Variants in ALYREF observed in about 807,000 individuals in gnomAD.
ALYREF encodes the protein THO complex subunit 4.
Under a neutral mutation model 25.2 loss-of-function variants are expected in ALYREF, and 1 was observed. That is an observed-to-expected ratio of 0.04 (90% CI 0.01 to 0.19). The LOEUF (loss-of-function observed/expected upper bound fraction) is 0.19. Ranked by LOEUF, ALYREF falls within the 10% of genes least tolerant of loss-of-function variation. The probability of loss-of-function intolerance (pLI) is 1.00; values close to 1 mark genes in which losing one functional copy is unlikely to be tolerated. For missense variants in ALYREF, 328 were observed against 375.6 expected, an observed-to-expected ratio of 0.87 and a Z score of 1.05; for synonymous variants, 193 against 153.5, an observed-to-expected ratio of 1.26 and a Z score of -1.90.
rs974671546 is a variant in ALYREF at position 81,890,811 on chromosome 17, G to A, written c.268C>T (p.Leu90Phe). 6.2e-7 allele frequency: 1 copy of A among 1,613,944 alleles called. No homozygotes were observed. The highest frequency in any genetic ancestry group is 8.5e-7 in the Non-Finnish European group (1 of 1,179,988). ...AGATCGTGCTGCCACTTGTCGGGAA[G>A]TTGTTTTGGCTGAAAAAAAAACCGC... is the stretch of plus-strand genomic sequence containing the variant. ...RPAPYSRPKQ[L>F]PDKWQHDLFD... Residue 90 changes from leucine (L) to phenylalanine (F), a missense_variant, in exon 2 of 6, where the codon CTT becomes TTT. By Grantham distance (22) the Leu-to-Phe change is conservative. Coordinates refer to ENST00000505490, the MANE Select transcript of ALYREF (RefSeq NM_005782.4).
Position 81,891,345 on chromosome 17 carries a change from T to A in ALYREF, c.236A>T (p.Asn79Ile). Residue 79 changes from asparagine to isoleucine, a missense_variant, in exon 1 of 6, where the codon AAC becomes ATC. Coordinates refer to ENST00000505490, the MANE Select transcript of ALYREF (RefSeq NM_005782.4). ...CACCCTGCTGTAGGGCGCCGGTCGG[T>A]TCCTGCCGCCTCCGCCGGCCGCGCC... is the stretch of plus-strand genomic sequence containing the variant. Reference protein sequence around the residue: ...ARGAAGGGGRNRPAPYSRPKQ... With the variant: ...ARGAAGGGGRIRPAPYSRPKQ... 1 of 1,153,844 alleles carries A rather than the reference T, an allele frequency of 8.7e-7. No individual in the cohort carries two copies. Among genetic ancestry groups the A allele is most frequent in the Non-Finnish European group, 1.1e-6 (1 of 937,064 alleles). 71.5% of individuals were successfully genotyped at this position (1,153,844 alleles called of 1,614,324 possible). A position where few individuals can be genotyped will look rare whatever the true frequency, so the allele number is the denominator to read the frequency against.
In ALYREF at chr17:81,891,352, C is replaced by T; in HGVS notation, c.229G>A (p.Gly77Ser). 2 of 1,157,812 alleles carry T rather than the reference C, an allele frequency of 1.7e-6. No homozygotes were observed. Among genetic ancestry groups the T allele is most frequent in the Non-Finnish European group, 2.1e-6 (2 of 938,830 alleles). The allele number at this position is 1,157,812 out of a possible 1,614,324, so 71.7% of individuals were successfully genotyped here. The change falls in exon 1 of 6, where the codon GGC becomes AGC. Residue 77 changes from glycine (G) to serine (S), a missense_variant. Coordinates refer to ENST00000505490, the MANE Select transcript of ALYREF (RefSeq NM_005782.4). ...CTGTAGGGCGCCGGTCGGTTCCTGCCGCCTCCGCCGGCCGCGCCGCGGGCG... is the reference window on the plus strand; with the variant it reads ...CTGTAGGGCGCCGGTCGGTTCCTGCTGCCTCCGCCGGCCGCGCCGCGGGCG... ...AIARGAAGGG[G>S]RNRPAPYSRP...
chr17:81,891,153 T>A, intron 1 of ALYREF, 170 bp downstream of exon 1: 1 of 384,656 alleles, frequency 2.6e-6, no homozygotes, highest in Non-Finnish European at 4.6e-6. Context: ...AAGAACGACC[T>A]CGCTCCCGCC....
At position 81,891,569 on chromosome 17, in the gene ALYREF, G is replaced by T; in HGVS notation, c.12C>A (p.Ser4=). ...CCATTTTGTCGGCCATGGCGGGCGCGGAATCGGGCATCGGCTCGAGCCCGC... is the reference window on the plus strand; with the variant it reads ...CCATTTTGTCGGCCATGGCGGGCGCTGAATCGGGCATCGGCTCGAGCCCGC... MPD[S]APAMADKMDM... Residue 4 remains serine, a synonymous_variant, in exon 1 of 6, where the codon TCC becomes TCA. Transcript: ENST00000505490. The T allele has an allele frequency of 7.0e-7, 1 of 1,436,952 alleles. No homozygotes were observed. The highest frequency in any genetic ancestry group is 1.3e-5 in the South Asian group (1 of 77,900). The allele number at this position is 1,436,952 out of a possible 1,614,324, so 89.0% of individuals were successfully genotyped here. A position where few individuals can be genotyped will look rare whatever the true frequency, so the allele number is the denominator to read the frequency against.
intron 2 of ALYREF, 62 bp from the exon 3 acceptor site, chr17:81,889,391 A>C (rs1259380184): frequency 6.3e-7 from 1 of 1,590,418 alleles, no homozygotes; most frequent in Non-Finnish European, 8.6e-7. Flanking sequence ...CTGGTGGCCC[A>C]GGGACAGGCC....
chr17:81,888,963 G>A lies in ALYREF; in HGVS notation c.538+219C>T. The A allele has an allele frequency of 7.0e-7, 1 of 1,421,008 alleles. No individual in the cohort carries two copies. Among genetic ancestry groups the A allele is most frequent in the Non-Finnish European group, 9.2e-7 (1 of 1,090,022 alleles). 88.0% of individuals were successfully genotyped at this position (1,421,008 alleles called of 1,614,324 possible). On this transcript the variant is annotated intron_variant, in intron 3 of 5. Coordinates refer to ENST00000505490, the MANE Select transcript of ALYREF (RefSeq NM_005782.4). This position sits in a 1 kb window ranked among gnomAD's most constrained non-coding sequence, Gnocchi z 5.8. ...CACAGAAGTGAATCTTCCGGAAGGA[G>A]CTGAAGGAGGGGAGGGATGTAGCTT...
Position 81,890,926 on chromosome 17 carries a change from C to G in ALYREF, c.259-106G>C. On this transcript the variant is annotated intron_variant, in intron 1 of 5. Coordinates refer to ENST00000505490, the MANE Select transcript of ALYREF (RefSeq NM_005782.4). Reference sequence around the variant, plus strand: ...TTCCTCTTCCCGGCCTGAGAGGATCCGGCCGAAACGGGGCCGCCAGCGCTC... The same window carrying G: ...TTCCTCTTCCCGGCCTGAGAGGATCGGGCCGAAACGGGGCCGCCAGCGCTC... 6 of 1,513,656 alleles carry G rather than the reference C, an allele frequency of 4.0e-6. No individual in the cohort carries two copies. The South Asian group carries it at 6.2e-5, about 16-fold the overall frequency. 93.8% of individuals were successfully genotyped at this position (1,513,656 alleles called of 1,614,324 possible).
chr17:81,888,765 A>G lies in ALYREF; in HGVS notation c.539-182T>C. Reference sequence around the variant, plus strand: ...AACAAAATGGCAAGGAAGCAACCCCACCAACACCTCCTCACTCCTTCTCAG... The same window carrying G: ...AACAAAATGGCAAGGAAGCAACCCCGCCAACACCTCCTCACTCCTTCTCAG... On this transcript the variant is annotated intron_variant, in intron 3 of 5. Transcript: ENST00000505490. The surrounding 1 kb of genome is among the most constrained non-coding windows in gnomAD (Gnocchi z 5.8). The G allele has an allele frequency of 6.9e-7, 1 of 1,450,336 alleles. No homozygotes were observed. The highest frequency in any genetic ancestry group is 2.4e-5 in the Admixed American group (1 of 40,974). The allele number at this position is 1,450,336 out of a possible 1,614,324, so 89.8% of individuals were successfully genotyped here.
intron 2 of ALYREF, 74 bp from the exon 3 acceptor site, chr17:81,889,403 TG>T: frequency 6.4e-7 from 1 of 1,559,606 alleles, no homozygotes; most frequent in South Asian, 1.1e-5. Flanking sequence ...GGACAGGCCC[TG>T]GAAGCGTGAG....
intron 2 of ALYREF, among the ~76,000 whole-genome samples, chr17:81,889,583 C>T (rs1055612726): frequency 6.6e-6 from 1 of 152,210 alleles, no homozygotes; most frequent in Non-Finnish European, 1.5e-5. Flanking sequence ...CTGCAAAGCC[C>T]ACTAGCAACG....
At chr17:81,890,636 A>T in intron 2 of ALYREF, 53 bp downstream of exon 2, 1 of 1,590,042 alleles carries the variant, frequency 6.3e-7, no homozygotes, top group Non-Finnish European at 8.5e-7. Context: ...CCCCAAAATC[A>T]CGATCCGTCC....
chr17:81,888,829 C>T lies in ALYREF; in HGVS notation c.539-246G>A, dbSNP rs2039465318. ...GGCTGCTCGCTGAGGTATCGGGGTG[C>T]TCGTGGGTGGAGAGGTGTGGGTGAC... is the stretch of plus-strand genomic sequence containing the variant. On this transcript the variant is annotated intron_variant, in intron 3 of 5. Transcript: ENST00000505490. The surrounding 1 kb of genome is among the most constrained non-coding windows in gnomAD (Gnocchi z 5.8). The T allele has an allele frequency of 5.6e-6, 8 of 1,418,254 alleles. No individual in the cohort carries two copies. The highest frequency in any genetic ancestry group is 3.1e-5 in the South Asian group (2 of 64,522). The allele number at this position is 1,418,254 out of a possible 1,614,324, so 87.9% of individuals were successfully genotyped here.
In ALYREF at chr17:81,890,215, G is replaced by A. The variant is rs944428271; in HGVS notation, c.390+474C>T. ...ATGTCACTGACGGGACACGGCGGTG[G>A]GGAGTGATAAAACCACAGCGTACAA... On this transcript the variant is annotated intron_variant, in intron 2 of 5. Coordinates refer to ENST00000505490, the MANE Select transcript of ALYREF (RefSeq NM_005782.4). Among the ~76,000 whole-genome samples the A allele has an allele frequency of 9.9e-5, 15 of 152,216 alleles. No homozygotes were observed. In the East Asian group the frequency reaches 2.1e-3, roughly 22 times the overall value.
rs181035329 is a variant in ALYREF at position 81,888,817 on chromosome 17, G to T, written c.539-234C>A. ...CCAGACTAGGTGGGCTGCTCGCTGA[G>T]GTATCGGGGTGCTCGTGGGTGGAGA... On this transcript the variant is annotated intron_variant, in intron 3 of 5. Coordinates refer to ENST00000505490, the MANE Select transcript of ALYREF (RefSeq NM_005782.4). This position sits in a 1 kb window ranked among gnomAD's most constrained non-coding sequence, Gnocchi z 5.8. The T allele has an allele frequency of 1.1e-4, 155 of 1,422,388 alleles. No individual in the cohort carries two copies. In the East Asian group the frequency reaches 2.8e-3, roughly 26 times the overall value. The allele number at this position is 1,422,388 out of a possible 1,614,324, so 88.1% of individuals were successfully genotyped here. A position where few individuals can be genotyped will look rare whatever the true frequency, so the allele number is the denominator to read the frequency against.
In ALYREF at chr17:81,891,340, G is replaced by A; in HGVS notation, c.241C>T (p.Pro81Ser). The A allele has an allele frequency of 1.7e-6, 2 of 1,161,998 alleles. No homozygotes were observed. Among genetic ancestry groups the A allele is most frequent in the Non-Finnish European group, 1.1e-6 (1 of 942,598 alleles). 72.0% of individuals were successfully genotyped at this position (1,161,998 alleles called of 1,614,324 possible). ...GAAGGGGRNR[P>S]APYSRPKQLP... Reference sequence around the variant, plus strand: ...GCACTCACCCTGCTGTAGGGCGCCGGTCGGTTCCTGCCGCCTCCGCCGGCC... The same window carrying A: ...GCACTCACCCTGCTGTAGGGCGCCGATCGGTTCCTGCCGCCTCCGCCGGCC... The change falls in exon 1 of 6, where the codon CCG (proline) becomes TCG (serine). Residue 81 changes from proline (P) to serine (S), a missense_variant. Pro to Ser is a moderately conservative substitution (Grantham distance 74, BLOSUM62 -1). Around this residue, in one of 3 missense-constraint regions of ALYREF, gnomAD observed 150 missense variants for 135.3 expected, o/e 1.11. Coordinates refer to ENST00000505490, the MANE Select transcript of ALYREF (RefSeq NM_005782.4).
Position 81,888,017 on chromosome 17 carries a change from A to G in ALYREF, c.*114T>C. On this transcript the variant is annotated 3_prime_UTR_variant, in exon 6 of 6. Coordinates refer to ENST00000505490, the MANE Select transcript of ALYREF (RefSeq NM_005782.4). The surrounding 1 kb of genome is among the most constrained non-coding windows in gnomAD (Gnocchi z 5.8). The stretch of plus-strand genomic sequence containing the variant: ...ACATGAGTTTTTAAATCCTATTTTA[A>G]AACATAAAAGAAACAAATCCATCAT... 1 of 1,354,098 alleles carries G rather than the reference A, an allele frequency of 7.4e-7. No homozygotes were observed. The highest frequency in any genetic ancestry group is 1.0e-6 in the Non-Finnish European group (1 of 990,390). The allele number at this position is 1,354,098 out of a possible 1,614,324, so 83.9% of individuals were successfully genotyped here. A position where few individuals can be genotyped will look rare whatever the true frequency, so the allele number is the denominator to read the frequency against.
intron 2 of ALYREF, chr17:81,889,643 C>T (rs2039476462): frequency 6.5e-6 from 2 of 307,924 alleles, no homozygotes; most frequent in Non-Finnish European, 1.3e-5. Flanking sequence ...ATGTACAACA[C>T]ACCCAAGGGC....
chr17:81,890,602 CGGGAA>C (rs2039502087), intron 2 of ALYREF, 82 bp downstream of exon 2: 4 of 1,558,742 alleles, frequency 2.6e-6, no homozygotes, highest in Non-Finnish European at 3.5e-6. Context: ...TTCGCTAAGG[CGGGAA>C]GGGGACTCAG....
Position 81,891,428 on chromosome 17 carries a change from G to C in ALYREF, c.153C>G (p.Ala51=). ...CGCCGCCTCGATTCACTCGCGCGGC[G>C]GCCTGCGCCCCACCGCCGCGGCCGC... ...SQGGRGGGAQ[A]AARVNRGGGP... Residue 51 remains alanine, a synonymous_variant, in exon 1 of 6, where the codon GCC becomes GCG. Coordinates refer to ENST00000505490, the MANE Select transcript of ALYREF (RefSeq NM_005782.4). The C allele has an allele frequency of 9.8e-7, 1 of 1,015,660 alleles. No homozygotes were observed. The highest frequency in any genetic ancestry group is 1.2e-6 in the Non-Finnish European group (1 of 852,374). 62.9% of individuals were successfully genotyped at this position (1,015,660 alleles called of 1,614,324 possible).
Sources: allele counts gnomAD v4.1 joint callset (sites outside exome capture counted in the v4.1 genomes callset), GRCh38; gene constraint gnomAD v4.1.1; regional missense constraint gnomAD v4.1.1; non-coding constraint Gnocchi (gnomAD v3.1); transcripts MANE v1.5; gene names NCBI Gene and HGNC (gene_info 2026-07-23, HGNC 2026-07-21).